The following PPP2R5E variants were observed in gnomAD, a reference collection of about 807,000 sequenced individuals.
PPP2R5E encodes serine/threonine-protein phosphatase 2A 56 kDa regulatory subunit epsilon isoform.
In PPP2R5E, 4 loss-of-function variants were observed where a neutral mutation model predicts 65.3. That is an observed-to-expected ratio of 0.06 (90% CI 0.03 to 0.14). The LOEUF is 0.14. Ranked by LOEUF, PPP2R5E falls within the 10% of genes least tolerant of loss-of-function variation. The probability of loss-of-function intolerance (pLI) is 1.00; values close to 1 mark genes in which losing one functional copy is unlikely to be tolerated. For missense variants in PPP2R5E, 274 were observed against 556.1 expected (o/e 0.49, Z 5.10); for synonymous variants, 183 against 187.4 (o/e 0.98, Z 0.19).
At chr14:63,420,537 T>C (rs1201749309) in intron 4 of PPP2R5E, among the ~76,000 whole-genome samples, 3 of 152,242 alleles carry the variant, frequency 2.0e-5, no homozygotes, top group Middle Eastern at 3.4e-3. Context: ...GGAATACATA[T>C]GCATAACACG....
chr14:63,501,475 T>C (rs1160619951), intron 2 of PPP2R5E, among the ~76,000 whole-genome samples: 1 of 151,750 alleles, frequency 6.6e-6, no homozygotes, highest in Non-Finnish European at 1.5e-5. Flanking sequence ...ATGTCCAGAA[T>C]AGGCAAATCC....
chr14:63,396,796 T>G (rs1885420735), intron 5 of PPP2R5E, 80 bp from the exon 6 acceptor site: 3 of 1,529,996 alleles, frequency 2.0e-6, no homozygotes, highest in Non-Finnish European at 2.7e-6. Context: ...TAAAATCCCC[T>G]TCTTCCTTCC....
intron 2 of PPP2R5E, among the ~76,000 whole-genome samples, chr14:63,497,847 C>A (rs1291138305): frequency 6.6e-6 from 1 of 152,138 alleles, no homozygotes; most frequent in Non-Finnish European, 1.5e-5. Flanking sequence ...ATGATTAATG[C>A]AAGATGTCAT....
chr14:63,457,501 C>CA lies in PPP2R5E; in HGVS notation c.158-3617dup, dbSNP rs1258457202. On this transcript the variant is annotated intron_variant, in intron 2 of 13. Coordinates refer to ENST00000337537, the MANE Select transcript of PPP2R5E (RefSeq NM_006246.5). ...CTGGAAATCTAAAAACTTCAGAAGT[C>CA]AAGACTGAAGAAAAAAACAAATTAC... Among the ~76,000 whole-genome samples the CA allele has an allele frequency of 3.3e-5, 5 of 152,138 alleles. No individual in the cohort carries two copies. In the East Asian group the frequency reaches 9.7e-4, roughly 29 times the overall value.
chr14:63,512,526 T>A (rs1450491212), intron 2 of PPP2R5E, among the ~76,000 whole-genome samples: 1 of 152,240 alleles, frequency 6.6e-6, no homozygotes, highest in Non-Finnish European at 1.5e-5. Flanking sequence ...TTTCTATTAA[T>A]TGGAAAGGCA....
At chr14:63,390,094 C>A (rs537863988) in intron 10 of PPP2R5E, among the ~76,000 whole-genome samples, 82 of 151,194 alleles carry the variant, frequency 5.4e-4, no homozygotes, top group Middle Eastern at 3.4e-3. Flanking sequence ...TTAAAAAAAA[C>A]AATGAGAAGG....
chr14:63,528,852 C>T (rs61984001), intron 2 of PPP2R5E, among the ~76,000 whole-genome samples: 16,361 of 152,006 alleles, frequency 0.11, 934 homozygotes, highest in East Asian at 0.16. Context: ...ATGCCAATTA[C>T]GTACAAGGCA....
intron 2 of PPP2R5E, among the ~76,000 whole-genome samples, chr14:63,527,545 G>C (rs1470947268): frequency 6.6e-6 from 1 of 152,146 alleles, no homozygotes; most frequent in Non-Finnish European, 1.5e-5. Flanking sequence ...CTAGCACTAG[G>C]CTAAATGTTT....
At chr14:63,470,814 G>C in intron 2 of PPP2R5E, among the ~76,000 whole-genome samples, 1 of 133,286 alleles carries the variant, frequency 7.5e-6, no homozygotes. Context: ...AACACAGAAA[G>C]ACCTCCGTCT....
At chr14:63,454,589 C>A (rs1170714989) in intron 2 of PPP2R5E, among the ~76,000 whole-genome samples, 2 of 152,180 alleles carry the variant, frequency 1.3e-5, no homozygotes, top group Non-Finnish European at 2.9e-5. Context: ...TGGACATCTG[C>A]TCTTTTCCCG....
chr14:63,400,261 G>T (rs1201268857), intron 5 of PPP2R5E, among the ~76,000 whole-genome samples: 6 of 152,184 alleles, frequency 3.9e-5, no homozygotes, highest in Non-Finnish European at 8.8e-5. Context: ...TTCTAATGGG[G>T]AATACAAACA....
Position 63,538,354 on chromosome 14 carries a change from G to A in PPP2R5E, c.157+1175C>T, listed in dbSNP as rs181834134. 2.8e-4 allele frequency among the ~76,000 whole-genome samples: 42 copies of A among 151,484 alleles called. No individual in the cohort carries two copies. The East Asian group carries it at 6.1e-3, about 22-fold the overall frequency. ...GGGCTCACTTCAACCTCTGCCTCCC[G>A]GTTCAAGCAATTCTCCTGCCTCGGC... On this transcript the variant is annotated intron_variant, in intron 2 of 13. Transcript: ENST00000337537.
chr14:63,410,766 G>T (rs1432192115), intron 5 of PPP2R5E, among the ~76,000 whole-genome samples: 2 of 152,130 alleles, frequency 1.3e-5, no homozygotes, highest in African/African-American at 4.8e-5. Flanking sequence ...TCCCAACATG[G>T]CAGTTAATGC....
intron 12 of PPP2R5E, among the ~76,000 whole-genome samples, chr14:63,382,530 T>C (rs1884428263): frequency 6.6e-6 from 1 of 151,974 alleles, no homozygotes; most frequent in Non-Finnish European, 1.5e-5. Flanking sequence ...GTCTCCTGGG[T>C]AGCTGGGATT....
chr14:63,424,549 A>G (rs1237759788), intron 3 of PPP2R5E, among the ~76,000 whole-genome samples: 1 of 152,176 alleles, frequency 6.6e-6, no homozygotes, highest in Admixed American at 6.5e-5. Context: ...TAGGAGATTG[A>G]GACCATCCTG....
intron 13 of PPP2R5E, among the ~76,000 whole-genome samples, chr14:63,378,928 T>A (rs1432920696): frequency 2.6e-5 from 4 of 152,216 alleles, no homozygotes; most frequent in Non-Finnish European, 5.9e-5. Flanking sequence ...CATTCCCTTG[T>A]CCTATTCCCA....
At chr14:63,465,220 C>T (rs1205846391) in intron 2 of PPP2R5E, among the ~76,000 whole-genome samples, 1 of 151,916 alleles carries the variant, frequency 6.6e-6, no homozygotes, top group Admixed American at 6.6e-5. Flanking sequence ...CTTATTAAAA[C>T]TATCTTCTGT....
intron 3 of PPP2R5E, among the ~76,000 whole-genome samples, chr14:63,441,995 G>A (rs1193865816): frequency 6.6e-6 from 1 of 151,924 alleles, no homozygotes; most frequent in African/African-American, 2.4e-5. Context: ...TCCATCTATG[G>A]GCACCCCAAG....
At chr14:63,410,080 ACAGT>A (rs1258124056) in intron 5 of PPP2R5E, among the ~76,000 whole-genome samples, 1 of 152,220 alleles carries the variant, frequency 6.6e-6, no homozygotes, top group Non-Finnish European at 1.5e-5. Flanking sequence ...CAGAGGAATG[ACAGT>A]CAGAAGACTG....
Sources: gnomAD v4.1 joint callset for allele counts (sites outside exome capture counted in the v4.1 genomes callset) on GRCh38, gnomAD v4.1.1 for gene constraint, MANE v1.5 for transcripts, NCBI Gene and HGNC (gene_info 2026-07-23, HGNC 2026-07-21) for gene names.